PCDHB9: variants seen among roughly 807,000 people sequenced by gnomAD.
PCDHB9 encodes the protein protocadherin beta 9.
For missense variants in PCDHB9, 1,072 were observed against 995.1 expected, an observed-to-expected ratio of 1.08 and a Z score of -1.04; for synonymous variants, 501 against 439.7, an observed-to-expected ratio of 1.14 and a Z score of -1.75.
rs1753901981 is a variant in PCDHB9, at chr5:141,191,407, G to T, written c.*1695G>T. 6.6e-6 allele frequency: 1 copy of T among 152,166 alleles called. No homozygotes were observed. The highest frequency in any genetic ancestry group is 1.5e-5 in the Non-Finnish European group (1 of 68,032). The allele number at this position is 152,166 out of a possible 1,614,324, so 9.4% of individuals were successfully genotyped here. A position where few individuals can be genotyped will look rare whatever the true frequency, so the allele number is the denominator to read the frequency against. On this transcript the variant is annotated 3_prime_UTR_variant, in exon 1 of 1. Transcript: ENST00000316105. ...ACCTCCCTTTATTTGGTGCAGAGAA[G>T]TTAGATCCTGCTAAATTTCAATTAA... is the stretch of plus-strand genomic sequence containing the variant.
In PCDHB9 at chr5:141,188,779, C is replaced by T; in HGVS notation, c.1461C>T (p.Thr487=). 1 of 1,612,968 alleles carries T rather than the reference C, an allele frequency of 6.2e-7. No homozygotes were observed. The highest frequency in any genetic ancestry group is 8.5e-7 in the Non-Finnish European group (1 of 1,180,040). ...ACTCAGGCACCAACGCCCAGGTCAC[C>T]TACTCGCTGCTGCCGCCCCAGGACC... The part of the protein sequence containing the change: ...DRDSGTNAQV[T]YSLLPPQDPH... The change falls in exon 1 of 1, where the codon ACC becomes ACT. Residue 487 remains threonine (T), a synonymous_variant. Transcript: ENST00000316105.
rs1753892695 is a variant in PCDHB9 at position 141,191,061 on chromosome 5, C to T, written c.*1349C>T. 6.6e-6 allele frequency: 1 copy of T among 152,144 alleles called. No homozygotes were observed. The highest frequency in any genetic ancestry group is 1.5e-5 in the Non-Finnish European group (1 of 68,018). The allele number at this position is 152,144 out of a possible 1,614,324, so 9.4% of individuals were successfully genotyped here. A position where few individuals can be genotyped will look rare whatever the true frequency, so the allele number is the denominator to read the frequency against. ...CCTTAGGTCACGAGTTTGAGACCAG[C>T]CTGACCAACGTTAAGTAACCCCGTC... On this transcript the variant is annotated 3_prime_UTR_variant, in exon 1 of 1. Transcript: ENST00000316105.
At position 141,188,298 on chromosome 5, in the gene PCDHB9, T is replaced by C. The variant is rs890492560; in HGVS notation, c.980T>C (p.Leu327Pro). 1.2e-6 allele frequency: 2 copies of C among 1,614,040 alleles called. No individual in the cohort carries two copies. Among genetic ancestry groups the C allele is most frequent in the Non-Finnish European group, 1.7e-6 (2 of 1,180,026 alleles). ...ATACAGGCAATGGACGGCGGAGGCC[T>C]TTCTGCAAGATGTACAGTTTTGATA... is the stretch of plus-strand genomic sequence containing the variant. ...INIQAMDGGG[L>P]SARCTVLIKV... Residue 327 changes from leucine to proline, a missense_variant, in exon 1 of 1, where the codon CTT becomes CCT. Physicochemically the swap from Leu to Pro is moderately conservative, Grantham distance 98. Coordinates refer to ENST00000316105, the MANE Select transcript of PCDHB9 (RefSeq NM_019119.5).
chr5:141,188,688 C>G lies in PCDHB9; in HGVS notation c.1370C>G (p.Thr457Ser), dbSNP rs782569275. The change falls in exon 1 of 1, where the codon ACC becomes AGC. Residue 457 changes from threonine (T) to serine (S), a missense_variant. Coordinates refer to ENST00000316105, the MANE Select transcript of PCDHB9 (RefSeq NM_019119.5). Reference protein sequence around the residue: ...NAPAFTQTSYTLFVRENNSPA... With the variant: ...NAPAFTQTSYSLFVRENNSPA... ...CCCGCCTTCACCCAAACCTCCTACA[C>G]CCTGTTCGTCCGGGAGAACAACAGC... The G allele has an allele frequency of 6.8e-6, 11 of 1,614,080 alleles. No homozygotes were observed. The highest frequency in any genetic ancestry group is 9.3e-6 in the Non-Finnish European group (11 of 1,180,040).
rs1554283004 is a variant in PCDHB9, at chr5:141,188,442, C to G, written c.1124C>G (p.Ser375Cys). The change falls in exon 1 of 1, where the codon TCC becomes TGC. Residue 375 changes from serine (S) to cysteine (C), a missense_variant. Ser to Cys is a moderately radical substitution (Grantham distance 112, BLOSUM62 -1). Transcript: ENST00000316105. ...LAVFKIKDRD[S>C]GENGKTICYV... The stretch of plus-strand genomic sequence containing the variant: ...GTTTTTAAGATTAAAGACAGAGACT[C>G]CGGAGAAAATGGAAAGACAATTTGC... 3 of 1,613,970 alleles carry G rather than the reference C, an allele frequency of 1.9e-6. No homozygotes were observed. Among genetic ancestry groups the G allele is most frequent in the Non-Finnish European group, 2.5e-6 (3 of 1,180,018 alleles).
In PCDHB9 at chr5:141,189,759, T is replaced by G; in HGVS notation, c.*47T>G. 1 of 1,484,968 alleles carries G rather than the reference T, an allele frequency of 6.7e-7. No homozygotes were observed. 92.0% of individuals were successfully genotyped at this position (1,484,968 alleles called of 1,614,324 possible). A position where few individuals can be genotyped will look rare whatever the true frequency, so the allele number is the denominator to read the frequency against. ...CATTTACTTCTTTAATATATTCTTG[T>G]TGGCTAACTAAATTGTGTATGCCCA... On this transcript the variant is annotated 3_prime_UTR_variant, in exon 1 of 1. Coordinates refer to ENST00000316105, the MANE Select transcript of PCDHB9 (RefSeq NM_019119.5).
Position 141,188,909 on chromosome 5 carries a change from G to T in PCDHB9, c.1591G>T (p.Val531Leu), listed in dbSNP as rs566198864. Residue 531 changes from valine to leucine, a missense_variant, in exon 1 of 1, where the codon GTG becomes TTG. Transcript: ENST00000316105. ...GGCCCTGCAGGCTTTCGACTTCCGC[G>T]TGGGCGCCTCAGACCGCGGCTCCCC... ...YEALQAFDFR[V>L]GASDRGSPAL... is the part of the protein sequence containing the mutation. The T allele has an allele frequency of 1.2e-6, 2 of 1,612,328 alleles. No individual in the cohort carries two copies. The highest frequency in any genetic ancestry group is 1.7e-5 in the Admixed American group (1 of 60,018).
At position 141,187,690 on chromosome 5, in the gene PCDHB9, G is replaced by A. The variant is rs2740588; in HGVS notation, c.372G>A (p.Arg124=). 11 of 1,613,714 alleles carry A rather than the reference G, an allele frequency of 6.8e-6. No individual in the cohort carries two copies. The highest frequency in any genetic ancestry group is 6.6e-5 in the South Asian group (6 of 91,062). ...TTTACCGGGCTGAGCTGAGAGTCAG[G>A]GATATAAATGATCACTCGCCAGTGT... is the stretch of plus-strand genomic sequence containing the variant. The part of the protein sequence containing the change: ...FQIYRAELRV[R]DINDHSPVFR... Residue 124 remains arginine, a synonymous_variant, in exon 1 of 1, where the codon AGG becomes AGA. Transcript: ENST00000316105.
rs1381737332 is a variant in PCDHB9, at chr5:141,188,122, T to G, written c.804T>G (p.Asp268Glu). 2.5e-6 allele frequency: 4 copies of G among 1,613,310 alleles called. No individual in the cohort carries two copies. The highest frequency in any genetic ancestry group is 1.1e-5 in the South Asian group (1 of 91,020). Reference protein sequence around the residue: ...GSLIVKVSAGDADSGVNAEVS... With the variant: ...GSLIVKVSAGEADSGVNAEVS... ...TTATTGTTAAAGTGTCTGCAGGAGA[T>G]GCAGACTCAGGAGTCAATGCAGAAG... is the stretch of plus-strand genomic sequence containing the variant. Residue 268 changes from aspartate to glutamate, a missense_variant, in exon 1 of 1, where the codon GAT (aspartate) becomes GAG (glutamate). By Grantham distance (45) the Asp-to-Glu change is conservative. Transcript: ENST00000316105.
Position 141,188,296 on chromosome 5 carries a change from C to T in PCDHB9, c.978C>T (p.Gly326=). The T allele has an allele frequency of 1.9e-6, 3 of 1,614,144 alleles. No homozygotes were observed. The highest frequency in any genetic ancestry group is 2.5e-6 in the Non-Finnish European group (3 of 1,180,026). Residue 326 remains glycine (G), a synonymous_variant, in exon 1 of 1, where the codon GGC becomes GGT. Transcript: ENST00000316105. ...KINIQAMDGG[G]LSARCTVLIK... is the part of the protein sequence containing the mutation. ...ATATACAGGCAATGGACGGCGGAGG[C>T]CTTTCTGCAAGATGTACAGTTTTGA...
chr5:141,188,040 A>G lies in PCDHB9; in HGVS notation c.722A>G (p.Gln241Arg). 1.2e-6 allele frequency: 2 copies of G among 1,614,028 alleles called. No individual in the cohort carries two copies. Among genetic ancestry groups the G allele is most frequent in the East Asian group, 2.2e-5 (1 of 44,864 alleles). ...VVLDVNDNVP[Q>R]FAQALYETQA... Reference sequence around the variant, plus strand: ...TTGGATGTCAATGACAATGTCCCACAGTTTGCCCAGGCTCTGTATGAGACC... The same window carrying G: ...TTGGATGTCAATGACAATGTCCCACGGTTTGCCCAGGCTCTGTATGAGACC... Residue 241 changes from glutamine to arginine, a missense_variant, in exon 1 of 1, where the codon CAG becomes CGG. Gln to Arg is a conservative substitution (Grantham distance 43). Transcript: ENST00000316105.
Position 141,187,719 on chromosome 5 carries a change from G to T in PCDHB9, c.401G>T (p.Arg134Leu), listed in dbSNP as rs1554282833. Residue 134 changes from arginine to leucine, a missense_variant, in exon 1 of 1, where the codon CGG (arginine) becomes CTG (leucine). Transcript: ENST00000316105. Reference sequence around the variant, plus strand: ...ATAAATGATCACTCGCCAGTGTTTCGGCACAAAGAGATGGTCTTAAAAATA... The same window carrying T: ...ATAAATGATCACTCGCCAGTGTTTCTGCACAAAGAGATGGTCTTAAAAATA... Reference protein sequence around the residue: ...RDINDHSPVFRHKEMVLKISE... With the variant: ...RDINDHSPVFLHKEMVLKISE... 6.2e-7 allele frequency: 1 copy of T among 1,614,030 alleles called. No homozygotes were observed. Among genetic ancestry groups the T allele is most frequent in the Non-Finnish European group, 8.5e-7 (1 of 1,180,036 alleles).
Position 141,191,304 on chromosome 5 carries a change from A to G in PCDHB9, c.*1592A>G, listed in dbSNP as rs1018674490. 2.6e-5 allele frequency: 4 copies of G among 152,246 alleles called. No homozygotes were observed. Among genetic ancestry groups the G allele is most frequent in the East Asian group, 3.9e-4 (2 of 5,186 alleles). 9.4% of individuals were successfully genotyped at this position (152,246 alleles called of 1,614,324 possible). A position where few individuals can be genotyped will look rare whatever the true frequency, so the allele number is the denominator to read the frequency against. On this transcript the variant is annotated 3_prime_UTR_variant, in exon 1 of 1. Coordinates refer to ENST00000316105, the MANE Select transcript of PCDHB9 (RefSeq NM_019119.5). ...TAACTTAAAAAGAACTTTGAATAAA[A>G]TTCTATGAAAAAAGACACTAGAATG...
At position 141,189,002 on chromosome 5, in the gene PCDHB9, C is replaced by T. The variant is rs782124229; in HGVS notation, c.1684C>T (p.Leu562=). ...LDANDNSPFV[L]YPLQNGSAPC... ...CGCCAACGACAACTCGCCCTTCGTG[C>T]TGTACCCGCTGCAGAACGGCTCCGC... is the stretch of plus-strand genomic sequence containing the variant. Residue 562 remains leucine (L), a synonymous_variant, in exon 1 of 1, where the codon CTG becomes TTG. Transcript: ENST00000316105. The T allele has an allele frequency of 1.4e-5, 22 of 1,610,924 alleles. No individual in the cohort carries two copies. Among genetic ancestry groups the T allele is most frequent in the Non-Finnish European group, 1.5e-5 (18 of 1,179,736 alleles).
At position 141,189,682 on chromosome 5, in the gene PCDHB9, T is replaced by C. The variant is rs782580334; in HGVS notation, c.2364T>C (p.Thr788=). The C allele has an allele frequency of 1.1e-5, 17 of 1,608,076 alleles. No individual in the cohort carries two copies. In the Admixed American group the frequency reaches 2.9e-4, roughly 27 times the overall value. ...RGGKEIEENS[T]LPNSFGFNY Reference sequence around the variant, plus strand: ...GGAAAGAAATAGAGGAAAATTCTACTCTCCCCAATAGCTTTGGATTTAATT... The same window carrying C: ...GGAAAGAAATAGAGGAAAATTCTACCCTCCCCAATAGCTTTGGATTTAATT... The change falls in exon 1 of 1, where the codon ACT becomes ACC. Residue 788 remains threonine, a synonymous_variant. Coordinates refer to ENST00000316105, the MANE Select transcript of PCDHB9 (RefSeq NM_019119.5).
rs781854521 is a variant in PCDHB9, at chr5:141,188,524, C to T, written c.1206C>T (p.Ile402=). 3 of 1,614,066 alleles carry T rather than the reference C, an allele frequency of 1.9e-6. No individual in the cohort carries two copies. Among genetic ancestry groups the T allele is most frequent in the Non-Finnish European group, 2.5e-6 (3 of 1,180,038 alleles). ...AACCGTCTGTTGACAATTTTTACAT[C>T]CTAATGACTGAAGGTGCACTGGACA... ...FLKPSVDNFY[I]LMTEGALDRE... The change falls in exon 1 of 1, where the codon ATC becomes ATT. Residue 402 remains isoleucine, a synonymous_variant. Coordinates refer to ENST00000316105, the MANE Select transcript of PCDHB9 (RefSeq NM_019119.5).
At position 141,191,246 on chromosome 5, in the gene PCDHB9, C is replaced by T. The variant is rs1753897440; in HGVS notation, c.*1534C>T. 1 of 151,932 alleles carries T rather than the reference C, an allele frequency of 6.6e-6. No homozygotes were observed. Among genetic ancestry groups the T allele is most frequent in the South Asian group, 2.1e-4 (1 of 4,812 alleles). The allele number at this position is 151,932 out of a possible 1,614,324, so 9.4% of individuals were successfully genotyped here. On this transcript the variant is annotated 3_prime_UTR_variant, in exon 1 of 1. Transcript: ENST00000316105. ...TCCAGCCTGGGCAATAAGAGCAAAACTCCATCAAAATAAAATAAAATAAAA... is the reference window on the plus strand; with the variant it reads ...TCCAGCCTGGGCAATAAGAGCAAAATTCCATCAAAATAAAATAAAATAAAA...
At position 141,189,584 on chromosome 5, in the gene PCDHB9, A is replaced by G; in HGVS notation, c.2266A>G (p.Thr756Ala). Residue 756 changes from threonine (T) to alanine (A), a missense_variant, in exon 1 of 1, where the codon ACT becomes GCT. Physicochemically the swap from Thr to Ala is moderately conservative, Grantham distance 58 (BLOSUM62 0). Coordinates refer to ENST00000316105, the MANE Select transcript of PCDHB9 (RefSeq NM_019119.5). ...GAGCTACCAGTACGAGGTGTGTCTG[A>G]CTGGAGGTTCAGAGACCGGCGAGTT... ...FQSYQYEVCL[T>A]GGSETGEFKF... is the part of the protein sequence containing the mutation. 6.2e-7 allele frequency: 1 copy of G among 1,613,994 alleles called. No homozygotes were observed. The highest frequency in any genetic ancestry group is 8.5e-7 in the Non-Finnish European group (1 of 1,179,978).
Position 141,190,483 on chromosome 5 carries a change from T to A in PCDHB9, c.*771T>A, listed in dbSNP as rs1554283578. 3.3e-5 allele frequency: 5 copies of A among 151,954 alleles called. No homozygotes were observed. Among genetic ancestry groups the A allele is most frequent in the Admixed American group, 2.6e-4 (4 of 15,248 alleles). The allele number at this position is 151,954 out of a possible 1,614,324, so 9.4% of individuals were successfully genotyped here. A position where few individuals can be genotyped will look rare whatever the true frequency, so the allele number is the denominator to read the frequency against. On this transcript the variant is annotated 3_prime_UTR_variant, in exon 1 of 1. Coordinates refer to ENST00000316105, the MANE Select transcript of PCDHB9 (RefSeq NM_019119.5). Reference sequence around the variant, plus strand: ...AGCCACCGCACCCAGCCTACAATAATTTTCTTAAACTTTACCTTTTATTTT... The same window carrying A: ...AGCCACCGCACCCAGCCTACAATAAATTTCTTAAACTTTACCTTTTATTTT...
Sources: gnomAD v4.1 joint callset for allele counts on GRCh38, gnomAD v4.1.1 for gene constraint, MANE v1.5 for transcripts, NCBI Gene and HGNC (gene_info 2026-07-23, HGNC 2026-07-21) for gene names.